The following PSD2 variants were observed in gnomAD, a reference collection of about 807,000 sequenced individuals.
PSD2 encodes the protein PH and SEC7 domain-containing protein 2.
PSD2 carries 38 observed loss-of-function variants against 69.8 expected under a neutral mutation model. The ratio of observed to expected loss-of-function variants is 0.54; its 90% CI spans 0.42 to 0.71. The LOEUF (loss-of-function observed/expected upper bound fraction) is 0.71. PSD2 is among the 30% of genes least tolerant of loss of function. PSD2 has a pLI of 0.00. For missense variants in PSD2, 943 were observed against 1,014.5 expected (o/e 0.93, Z 0.96); for synonymous variants, 412 against 423.0 (o/e 0.97, Z 0.32).
chr5:139,768,455 G>A, the PSD2 span, among the ~76,000 whole-genome samples: 3 of 152,194 alleles, frequency 2.0e-5, no homozygotes, highest in Non-Finnish European at 4.4e-5. Context: ...AGGCATGGTG[G>A]CTCAAGTCTG....
rs1334688866 is a variant in PSD2, at chr5:139,836,975, C to T, written c.1568C>T (p.Thr523Ile). 3 of 1,613,518 alleles carry T rather than the reference C, an allele frequency of 1.9e-6. No individual in the cohort carries two copies. The highest frequency in any genetic ancestry group is 2.5e-6 in the Non-Finnish European group (3 of 1,179,696). Residue 523 changes from threonine to isoleucine, a missense_variant, in exon 10 of 15, where the codon ACT becomes ATT. Coordinates refer to ENST00000274710, the MANE Select transcript of PSD2 (RefSeq NM_032289.4). ...TYKHGVLTRK[T>I]HADMDGKRTP... ...AAGCACGGCGTCCTGACCCGGAAGA[C>T]TCACGCTGACATGGATGGCAAGAGG... is the stretch of plus-strand genomic sequence containing the variant.
At chr5:139,783,349 GA>G in the PSD2 span, among the ~76,000 whole-genome samples, 1 of 152,198 alleles carries the variant, frequency 6.6e-6, no homozygotes, top group Non-Finnish European at 1.5e-5. Context: ...GGCTGAGGCA[GA>G]AGGATCGCTT....
chr5:139,759,423 G>A, the PSD2 span, among the ~76,000 whole-genome samples: 5 of 152,226 alleles, frequency 3.3e-5, no homozygotes, highest in East Asian at 3.9e-4. Flanking sequence ...GCGGTCACCC[G>A]TGTCGGGACG....
At chr5:139,766,437 A>G in the PSD2 span, among the ~76,000 whole-genome samples, 1,359 of 152,178 alleles carry the variant, frequency 8.9e-3, 24 homozygotes, top group African/African-American at 0.032. Context: ...CAGTCCTGGA[A>G]TGGTGGGGGG....
At chr5:139,760,754 G>C in the PSD2 span, among the ~76,000 whole-genome samples, 1 of 152,156 alleles carries the variant, frequency 6.6e-6, no homozygotes, top group South Asian at 2.1e-4. Flanking sequence ...TAGGGCTTGT[G>C]GTCTGCCTTT....
chr5:139,806,746 C>T (rs1467814315), intron 1 of PSD2, among the ~76,000 whole-genome samples: 2 of 152,198 alleles, frequency 1.3e-5, no homozygotes, highest in East Asian at 1.9e-4. Context: ...CATCGTTTTA[C>T]ACCTCTACCC....
the PSD2 span, among the ~76,000 whole-genome samples, chr5:139,756,444 T>C: frequency 6.6e-6 from 1 of 152,198 alleles, no homozygotes; most frequent in Non-Finnish European, 1.5e-5. Context: ...TGGGAAGTCC[T>C]TGCCCAACCC....
chr5:139,783,312 C>T, the PSD2 span, among the ~76,000 whole-genome samples: 255 of 152,206 alleles, frequency 1.7e-3, no homozygotes, highest in African/African-American at 5.6e-3. Flanking sequence ...CAGGGTGGTG[C>T]GTACCTGTGG....
At chr5:139,796,811 C>T (rs1480357827) in intron 1 of PSD2, among the ~76,000 whole-genome samples, 1 of 152,158 alleles carries the variant, frequency 6.6e-6, no homozygotes, top group Non-Finnish European at 1.5e-5. Context: ...TTGGGGGGGC[C>T]AGGAAGAGAA....
At chr5:139,788,180 C>A in the PSD2 span, among the ~76,000 whole-genome samples, 1 of 13,216 alleles carries the variant, frequency 7.6e-5, no homozygotes, top group East Asian at 2.6e-3. Context: ...CCCCCCCGCG[C>A]CCCCCCCCGA....
At chr5:139,768,143 C>G in the PSD2 span, among the ~76,000 whole-genome samples, 1 of 152,216 alleles carries the variant, frequency 6.6e-6, no homozygotes, top group Admixed American at 6.5e-5. Flanking sequence ...GGCCTTGCCC[C>G]GGAACCTGGA....
the PSD2 span, among the ~76,000 whole-genome samples, chr5:139,767,612 G>A: frequency 5.9e-5 from 9 of 152,180 alleles, no homozygotes; most frequent in East Asian, 1.5e-3. Context: ...ACGGCATCTG[G>A]CCCCTCCTGT....
At chr5:139,794,432 T>C (rs1487302740), upstream of PSD2, among the ~76,000 whole-genome samples, 1 of 152,190 alleles carries the variant, frequency 6.6e-6, no homozygotes, top group Non-Finnish European at 1.5e-5. Flanking sequence ...ACAGCTCAGA[T>C]TCCACACCTC....
At chr5:139,748,689 C>T in the PSD2 span, among the ~76,000 whole-genome samples, 2 of 152,360 alleles carry the variant, frequency 1.3e-5, no homozygotes, top group South Asian at 4.1e-4. Flanking sequence ...GAACAAAGGC[C>T]GGGCAGGTGG....
chr5:139,839,146 C>T lies in PSD2; in HGVS notation c.1968+374C>T, dbSNP rs886752306. ...CTTCATCCAGTGCTCTTTTGCTGCT[C>T]TCACCTATTCTTAAATGTTTTATTT... On this transcript the variant is annotated intron_variant, in intron 13 of 14. Transcript: ENST00000274710. The surrounding 1 kb of genome is among the most constrained non-coding windows in gnomAD (Gnocchi z 5.1). Among the ~76,000 whole-genome samples the T allele has an allele frequency of 1.1e-4, 16 of 152,248 alleles. No homozygotes were observed. Among genetic ancestry groups the T allele is most frequent in the African/African-American group, 3.6e-4 (15 of 41,464 alleles).
At chr5:139,750,189 A>G in the PSD2 span, among the ~76,000 whole-genome samples, 1 of 151,988 alleles carries the variant, frequency 6.6e-6, no homozygotes. Context: ...AGCCAGGTGT[A>G]GTGGCAGGCG....
intron 5 of PSD2, among the ~76,000 whole-genome samples, chr5:139,818,028 G>C (rs551885208): frequency 2.0e-5 from 3 of 152,124 alleles, no homozygotes; most frequent in African/African-American, 7.2e-5. Flanking sequence ...TTGGACCTAG[G>C]GAGTAGACCT....
intron 7 of PSD2, among the ~76,000 whole-genome samples, chr5:139,832,140 TCA>T (rs1760611590): frequency 6.6e-6 from 1 of 152,220 alleles, no homozygotes; most frequent in Admixed American, 6.5e-5. Flanking sequence ...CTGATATTGC[TCA>T]GATTAGAAAT....
In PSD2 at chr5:139,809,415, C is replaced by T; in HGVS notation, c.-26C>T. On this transcript the variant is annotated 5_prime_UTR_variant, in exon 2 of 15. Coordinates refer to ENST00000274710, the MANE Select transcript of PSD2 (RefSeq NM_032289.4). Reference sequence around the variant, plus strand: ...GGTCTAGAGGAGTCCCAGGAGCAGCCAGGACAGGCGGAAGCAGTGGCTGCC... The same window carrying T: ...GGTCTAGAGGAGTCCCAGGAGCAGCTAGGACAGGCGGAAGCAGTGGCTGCC... 1 of 1,603,258 alleles carries T rather than the reference C, an allele frequency of 6.2e-7. No individual in the cohort carries two copies. The highest frequency in any genetic ancestry group is 2.2e-5 in the East Asian group (1 of 44,728).
Sources: gnomAD v4.1 joint callset for allele counts (sites outside exome capture counted in the v4.1 genomes callset) on GRCh38, gnomAD v4.1.1 for gene constraint, Gnocchi (gnomAD v3.1) non-coding constraint, MANE v1.5 for transcripts, NCBI Gene and HGNC (gene_info 2026-07-23, HGNC 2026-07-21) for gene names.